The following RBM19 variants were observed in gnomAD, a reference collection of about 807,000 sequenced individuals.
The protein encoded by RBM19 is probable RNA-binding protein 19.
RBM19 carries 94 observed loss-of-function variants against 116.8 expected under a neutral mutation model. The observed-to-expected ratio is 0.80, with a 90% CI of 0.68 to 0.95. RBM19 has a LOEUF of 0.95. Among genes scored for constraint, RBM19 ranks in the 40% least tolerant of loss-of-function variants. RBM19 has a pLI of 0.00. For missense variants in RBM19, 1,161 were observed against 1,220.7 expected (o/e 0.95, Z 0.73); for synonymous variants, 475 against 494.1 (o/e 0.96, Z 0.51).
chr12:113,895,533 C>T (rs1219068994), intron 21 of RBM19, among the ~76,000 whole-genome samples: 2 of 152,182 alleles, frequency 1.3e-5, no homozygotes, highest in Admixed American at 1.3e-4. Flanking sequence ...AGACGCCTAA[C>T]AATACAGAAA....
rs1285947878 is a variant in RBM19, at chr12:113,940,004, G to A, written c.1894C>T (p.Pro632Ser). The A allele has an allele frequency of 2.0e-5, 32 of 1,614,000 alleles. No individual in the cohort carries two copies. Among genetic ancestry groups the A allele is most frequent in the Non-Finnish European group, 2.6e-5 (31 of 1,180,024 alleles). ...CTGAAGGCCTTGCGGGCCTCCAGGG[G>A]CTCCAGGAACTCCACGATGGCAGTG... ...GITAIVEFLEPLEARKAFRHL... is the reference protein window; with the variant it reads ...GITAIVEFLESLEARKAFRHL... The change falls in exon 15 of 24, where the codon CCC becomes TCC. Residue 632 changes from proline (P) to serine (S), a missense_variant. Pro to Ser is a moderately conservative substitution (Grantham distance 74, BLOSUM62 -1). Transcript: ENST00000261741.
At chr12:113,817,505 T>C (rs767395545), downstream of RBM19, 7 of 152,316 alleles carry the variant, frequency 4.6e-5, no homozygotes, top group African/African-American at 1.7e-4. Flanking sequence ...TGAGAAGTGA[T>C]AGCATGCTGC....
chr12:113,845,108 C>T (rs1018646731), intron 22 of RBM19, among the ~76,000 whole-genome samples: 40 of 152,146 alleles, frequency 2.6e-4, no homozygotes, highest in Admixed American at 1.4e-3. Flanking sequence ...TTAGTGGGCT[C>T]GCCTCCCACC....
intron 5 of RBM19, 87 bp from the exon 6 acceptor site, chr12:113,958,137 A>T (rs2135939253): frequency 6.6e-7 from 1 of 1,522,390 alleles, no homozygotes; most frequent in Middle Eastern, 1.8e-4. Flanking sequence ...CCTCCTAGTG[A>T]GAGGCCTGAG....
chr12:113,870,367 C>G (rs1232267489), intron 21 of RBM19, among the ~76,000 whole-genome samples: 1 of 152,202 alleles, frequency 6.6e-6, no homozygotes, highest in Non-Finnish European at 1.5e-5. Context: ...TGAAAGGGCC[C>G]TATCAATTTA....
intron 16 of RBM19, among the ~76,000 whole-genome samples, chr12:113,927,595 A>C (rs1017630060): frequency 3.5e-5 from 3 of 86,306 alleles, no homozygotes; most frequent in East Asian, 1.3e-3. Context: ...AAAAAACAAA[A>C]AAAAAAAAAC....
intron 18 of RBM19, among the ~76,000 whole-genome samples, chr12:113,922,511 G>A (rs10850238): frequency 0.27 from 41,694 of 151,926 alleles, 5,934 homozygotes; most frequent in Middle Eastern, 0.41. Flanking sequence ...TGGCCCCACA[G>A]AGCATCTGAC....
downstream of RBM19, among the ~76,000 whole-genome samples, chr12:113,819,570 C>T (rs1246039761): frequency 6.6e-6 from 1 of 152,208 alleles, no homozygotes; most frequent in Non-Finnish European, 1.5e-5. Flanking sequence ...TGGAGTTTCT[C>T]TCCCAGATCT....
intron 6 of RBM19, 108 bp from the exon 7 acceptor site, chr12:113,955,319 G>A: frequency 1.9e-6 from 2 of 1,038,332 alleles, no homozygotes; most frequent in Middle Eastern, 2.7e-4. Context: ...CTGCCGCCAG[G>A]GGGAGCTGGG....
intron 19 of RBM19, among the ~76,000 whole-genome samples, chr12:113,919,971 C>A (rs997110069): frequency 8.5e-5 from 13 of 152,282 alleles, no homozygotes; most frequent in East Asian, 3.9e-4. Context: ...CCTAGAAGAT[C>A]CTGCCCTGCA....
intron 23 of RBM19, among the ~76,000 whole-genome samples, chr12:113,836,223 G>A (rs1875871506): frequency 6.6e-6 from 1 of 152,204 alleles, no homozygotes; most frequent in Admixed American, 6.5e-5. Flanking sequence ...AGGAAGGGAG[G>A]GAGGTGCGGG....
chr12:113,922,150 T>G (rs746479281), intron 18 of RBM19, among the ~76,000 whole-genome samples: 2 of 152,164 alleles, frequency 1.3e-5, no homozygotes, highest in Non-Finnish European at 2.9e-5. Flanking sequence ...GTCACACGTT[T>G]TCCTTTAATG....
chr12:113,854,663 C>G (rs576315399), intron 22 of RBM19, among the ~76,000 whole-genome samples: 167 of 152,338 alleles, frequency 1.1e-3, no homozygotes, highest in African/African-American at 3.9e-3. Flanking sequence ...CCTGCTTCCT[C>G]TGAGCAGGCC....
At chr12:113,859,428 T>C (rs1043676475) in intron 21 of RBM19, among the ~76,000 whole-genome samples, 5 of 152,196 alleles carry the variant, frequency 3.3e-5, no homozygotes, top group African/African-American at 9.6e-5. Context: ...CTGGGACATG[T>C]ATTTCTTCAG....
chr12:113,853,723 G>A (rs1209004281), intron 22 of RBM19, among the ~76,000 whole-genome samples: 1 of 152,184 alleles, frequency 6.6e-6, no homozygotes, highest in Non-Finnish European at 1.5e-5. Flanking sequence ...AGCTGCCCAG[G>A]TGAAAGGCTG....
chr12:113,886,228 G>C (rs73210904), intron 21 of RBM19, among the ~76,000 whole-genome samples: 28,539 of 152,020 alleles, frequency 0.19, 3,404 homozygotes, highest in Middle Eastern at 0.34. Flanking sequence ...TGCCTCATAG[G>C]CTCAAGTGAT....
intron 22 of RBM19, among the ~76,000 whole-genome samples, chr12:113,847,337 T>C (rs1877079114): frequency 6.6e-6 from 1 of 152,192 alleles, no homozygotes; most frequent in Admixed American, 6.5e-5. Context: ...AATTTTTTCT[T>C]TCCTTTTTTT....
chr12:113,956,576 CA>C (rs10592306), intron 6 of RBM19, among the ~76,000 whole-genome samples: 7,155 of 66,172 alleles, frequency 0.11, 231 homozygotes, highest in East Asian at 0.35. Context: ...AAGACTGTCT[CA>C]AAAAAAAAAA....
chr12:113,872,323 G>A (rs1266049881), intron 21 of RBM19, among the ~76,000 whole-genome samples: 3 of 150,256 alleles, frequency 2.0e-5, no homozygotes, highest in African/African-American at 4.9e-5. Context: ...GAGCCCCTCC[G>A]CCCGGCAGCC....
Sources: allele counts gnomAD v4.1 joint callset (sites outside exome capture counted in the v4.1 genomes callset), GRCh38; gene constraint gnomAD v4.1.1; transcripts MANE v1.5; gene names NCBI Gene and HGNC (gene_info 2026-07-23, HGNC 2026-07-21).